Variants in CDH18 observed in about 807,000 individuals in gnomAD.
CDH18 encodes cadherin 18.
In CDH18, 31 loss-of-function variants were observed where a neutral mutation model predicts 67.9. The observed-to-expected ratio is 0.46, with a 90% confidence interval of 0.34 to 0.62. The LOEUF (loss-of-function observed/expected upper bound fraction) is 0.62, where lower values mean the gene tolerates loss of function less well. CDH18 is among the 20% of genes least tolerant of loss of function. CDH18 has a pLI of 0.01. For synonymous variants in CDH18, 362 were observed against 347.2 expected (o/e 1.04, Z -0.48); for missense variants, 890 against 975.5 (o/e 0.91, Z 1.17).
chr5:20,086,810 C>T (rs1243285195), intron 2 of CDH18, among the ~76,000 whole-genome samples: 1 of 152,140 alleles, frequency 6.6e-6, no homozygotes, highest in Non-Finnish European at 1.5e-5. Context: ...TACCTGGTCA[C>T]CCAAGAGCTT....
At chr5:19,625,823 GC>G (rs1751453361) in intron 5 of CDH18, among the ~76,000 whole-genome samples, 2 of 151,518 alleles carry the variant, frequency 1.3e-5, no homozygotes, top group South Asian at 4.1e-4. Context: ...GAGAAGCCTG[GC>G]CCCTCCTTTT....
At chr5:19,492,311 A>G (rs1260367424) in intron 11 of CDH18, among the ~76,000 whole-genome samples, 1 of 152,122 alleles carries the variant, frequency 6.6e-6, no homozygotes, top group Non-Finnish European at 1.5e-5. Context: ...GAATGGATTT[A>G]TCTTTGTAGA....
At chr5:19,523,620 G>A (rs943801574) in intron 9 of CDH18, among the ~76,000 whole-genome samples, 5 of 151,888 alleles carry the variant, frequency 3.3e-5, no homozygotes, top group South Asian at 4.1e-4. Flanking sequence ...ATCAAAATAA[G>A]TTATCACTTA....
intron 1 of CDH18, among the ~76,000 whole-genome samples, chr5:20,515,792 A>C (rs1755331979): frequency 6.6e-6 from 1 of 152,170 alleles, no homozygotes; most frequent in South Asian, 2.1e-4. Context: ...TTAGAAACCG[A>C]TGCCAGTTTT....
rs1580451503 is a variant in CDH18 at position 19,605,267 on chromosome 5, AGCT to A, written c.811+7164_811+7166del. 2.6e-5 allele frequency among the ~76,000 whole-genome samples: 4 copies of A among 151,858 alleles called. No individual in the cohort carries two copies. The East Asian group carries it at 5.8e-4, about 22-fold the overall frequency. ...GAATGTAATACTATTATTTATTTAT[AGCT>A]GTTACTTTGTTAGAAAGAATATGAT... On this transcript the variant is annotated intron_variant, in intron 6 of 12. Coordinates refer to ENST00000382275, the MANE Select transcript of CDH18 (RefSeq NM_004934.5).
chr5:19,475,615 A>G (rs1380916108), intron 12 of CDH18, among the ~76,000 whole-genome samples: 1 of 152,042 alleles, frequency 6.6e-6, no homozygotes, highest in Non-Finnish European at 1.5e-5. Flanking sequence ...AGATACACAC[A>G]GGCAAATATT....
chr5:20,418,633 T>C (rs998959577), intron 1 of CDH18, among the ~76,000 whole-genome samples: 4 of 126,138 alleles, frequency 3.2e-5, no homozygotes, highest in South Asian at 2.8e-4. Context: ...AATGGATATA[T>C]TTAAAACAAA....
At chr5:20,374,985 G>T (rs1743295222) in intron 1 of CDH18, among the ~76,000 whole-genome samples, 1 of 152,048 alleles carries the variant, frequency 6.6e-6, no homozygotes, top group Admixed American at 6.6e-5. Context: ...TTGCAATGTG[G>T]CTTGTGAAAA....
In CDH18 at chr5:20,527,041, A is replaced by G. The variant is rs1017841681; in HGVS notation, c.-580+48421T>C. Among the ~76,000 whole-genome samples, 7 of 152,088 alleles carry G rather than the reference A, an allele frequency of 4.6e-5. No homozygotes were observed. In the East Asian group the frequency reaches 1.3e-3, roughly 29 times the overall value. ...AATGATTACAGGAGCTGTTAACTAA[A>G]ATAACCAGTTTAGAGAGGAACATAA... On this transcript the variant is annotated intron_variant, in intron 1 of 14. Transcript: ENST00000507958.
chr5:19,696,758 A>G (rs1441716204), intron 5 of CDH18, among the ~76,000 whole-genome samples: 1 of 152,098 alleles, frequency 6.6e-6, no homozygotes, highest in Non-Finnish European at 1.5e-5. Flanking sequence ...GAGTACGGGA[A>G]CCACCAAGTT....
At chr5:20,167,048 T>C (rs562080694) in intron 2 of CDH18, among the ~76,000 whole-genome samples, 1 of 152,320 alleles carries the variant, frequency 6.6e-6, no homozygotes, top group Non-Finnish European at 1.5e-5. Flanking sequence ...ATAATGTTTT[T>C]ATATTTGCTG....
At chr5:19,836,734 G>T (rs1397329576) in intron 3 of CDH18, among the ~76,000 whole-genome samples, 6 of 152,082 alleles carry the variant, frequency 3.9e-5, no homozygotes, top group African/African-American at 1.4e-4. Context: ...TAGTCATGAA[G>T]TCTTTGCCCA....
chr5:19,898,797 T>C (rs1789624792), intron 2 of CDH18, among the ~76,000 whole-genome samples: 1 of 152,106 alleles, frequency 6.6e-6, no homozygotes, highest in African/African-American at 2.4e-5. Context: ...AGTAAAATTG[T>C]GTACAAGTGG....
Position 20,236,961 on chromosome 5 carries a change from GAAAGA to G in CDH18, c.-518+18478_-518+18482del, listed in dbSNP as rs1742519967. ...ATCCTATAGCTCTTACAAACAAAAA[GAAAGA>G]AAAGAAAAGACAGTGCATTAAGATA... On this transcript the variant is annotated intron_variant, in intron 2 of 14. Transcript: ENST00000507958. 2.0e-5 allele frequency among the ~76,000 whole-genome samples: 3 copies of G among 151,708 alleles called. No homozygotes were observed. The South Asian group carries it at 6.3e-4, about 32-fold the overall frequency.
At chr5:19,945,445 G>T (rs192969134) in intron 2 of CDH18, among the ~76,000 whole-genome samples, 1 of 152,264 alleles carries the variant, frequency 6.6e-6, no homozygotes, top group East Asian at 1.9e-4. Context: ...TGCTAATATT[G>T]TATCTAGAAG....
chr5:19,562,065 C>T (rs1175691688), intron 8 of CDH18, among the ~76,000 whole-genome samples: 1 of 152,122 alleles, frequency 6.6e-6, no homozygotes, highest in African/African-American at 2.4e-5. Flanking sequence ...TGGATCAGAA[C>T]ACAATGGCTG....
intron 2 of CDH18, among the ~76,000 whole-genome samples, chr5:20,146,848 G>A (rs1192336033): frequency 1.3e-5 from 2 of 151,870 alleles, no homozygotes; most frequent in Non-Finnish European, 2.9e-5. Context: ...AAAGAACAAT[G>A]ATTTCTTTAT....
intron 1 of CDH18, among the ~76,000 whole-genome samples, chr5:20,401,545 AT>A (rs1745773900): frequency 6.6e-6 from 1 of 152,178 alleles, no homozygotes; most frequent in Non-Finnish European, 1.5e-5. Flanking sequence ...ATAAACCTGT[AT>A]TTCCTCACCT....
intron 5 of CDH18, among the ~76,000 whole-genome samples, chr5:19,644,975 T>C (rs1012227900): frequency 1.4e-4 from 21 of 152,268 alleles, no homozygotes; most frequent in East Asian, 3.9e-4. Flanking sequence ...TCCTATGTGA[T>C]TGTGATTAAA....
Sources: gnomAD v4.1 joint callset for allele counts (sites outside exome capture counted in the v4.1 genomes callset) on GRCh38, gnomAD v4.1.1 for gene constraint, MANE v1.5 for transcripts, NCBI Gene and HGNC (gene_info 2026-07-23, HGNC 2026-07-21) for gene names.